The following GTPBP1 variants were observed in gnomAD, a reference collection of about 807,000 sequenced individuals.
GTPBP1 encodes GTP-binding protein 1.
In GTPBP1, 23 loss-of-function variants were observed where a neutral mutation model predicts 62.0. That is an observed-to-expected ratio of 0.37 (90% CI 0.27 to 0.53). GTPBP1 has a LOEUF of 0.53. GTPBP1 is among the 20% of genes least tolerant of loss of function. The pLI is 0.89. For missense variants in GTPBP1, 640 were observed against 917.3 expected (o/e 0.70, Z 3.90); for synonymous variants, 344 against 364.4 (o/e 0.94, Z 0.64).
downstream of GTPBP1, chr22:38,739,759 G>A (rs567532014): frequency 1.4e-4 from 221 of 1,613,680 alleles, no homozygotes; most frequent in South Asian, 2.1e-3. This position sits in a 1 kb window ranked among gnomAD's most constrained non-coding sequence, Gnocchi z 6.7. Flanking sequence ...TTTCTGCAGC[G>A]TCAGGCTCAG....
rs1231080614 is a variant in GTPBP1 at position 38,731,009 on chromosome 22, A to AT, written c.*307dup. On this transcript the variant is annotated 3_prime_UTR_variant, in exon 12 of 12. Coordinates refer to ENST00000216044, the MANE Select transcript of GTPBP1 (RefSeq NM_004286.5). Reference sequence around the variant, plus strand: ...TTATTATATGTCTCTGTCTCTCTCTATTGTGTGTGTGTGTGTGTGTGTGTG... The same window carrying AT: ...TTATTATATGTCTCTGTCTCTCTCTATTTGTGTGTGTGTGTGTGTGTGTGTG... 4.6e-5 allele frequency: 10 copies of AT among 216,298 alleles called. No homozygotes were observed. Among genetic ancestry groups the AT allele is most frequent in the African/African-American group, 4.4e-4 (6 of 13,508 alleles). The allele number at this position is 216,298 out of a possible 1,614,324, so 13.4% of individuals were successfully genotyped here. A position where few individuals can be genotyped will look rare whatever the true frequency, so the allele number is the denominator to read the frequency against.
chr22:38,716,922 C>G lies in GTPBP1; in HGVS notation c.756C>G (p.Asp252Glu). The G allele has an allele frequency of 6.2e-7, 1 of 1,614,120 alleles. No individual in the cohort carries two copies. The change falls in exon 4 of 12, where the codon GAC becomes GAG. Residue 252 changes from aspartate (D) to glutamate (E), a missense_variant. Transcript: ENST00000216044. The surrounding 1 kb of genome is among the most constrained non-coding windows in gnomAD (Gnocchi z 5.2). ...EKSTKVITFI[D>E]LAGHEKYLKT... Reference sequence around the variant, plus strand: ...CCACGAAAGTCATTACCTTCATCGACTTGGCTGGTCATGAGAAGTACCTGA... The same window carrying G: ...CCACGAAAGTCATTACCTTCATCGAGTTGGCTGGTCATGAGAAGTACCTGA...
At chr22:38,740,454 T>G (rs1448425892), downstream of GTPBP1, 28 of 1,458,112 alleles carry the variant, frequency 1.9e-5, no homozygotes, top group Non-Finnish European at 2.6e-5. The surrounding 1 kb of genome is among the most constrained non-coding windows in gnomAD (Gnocchi z 4.8). Flanking sequence ...GAGAGAAGAG[T>G]AAGCCTCGGA....
chr22:38,736,252 C>A (rs1180449203), downstream of GTPBP1: 1 of 1,605,660 alleles, frequency 6.2e-7, no homozygotes. Flanking sequence ...TGGCAGCAGG[C>A]ACCAGTAAGC....
At chr22:38,710,603 C>T (rs2092632601) in intron 2 of GTPBP1, among the ~76,000 whole-genome samples, 1 of 151,728 alleles carries the variant, frequency 6.6e-6, no homozygotes, top group African/African-American at 2.4e-5. Flanking sequence ...ACAGAGGCAG[C>T]AATGAATGCC....
At chr22:38,736,201 G>T (rs146692436), downstream of GTPBP1, 2 of 1,454,668 alleles carry the variant, frequency 1.4e-6, no homozygotes, top group Non-Finnish European at 1.9e-6. Context: ...GCAAGCGTGT[G>T]GGGGAAGCGG....
intron 4 of GTPBP1, among the ~76,000 whole-genome samples, chr22:38,719,651 C>T (rs2092689058): frequency 6.7e-6 from 1 of 149,736 alleles, no homozygotes; most frequent in South Asian, 2.1e-4. Context: ...GTGGCTGAAT[C>T]ACTTAAAAAT....
At chr22:38,713,953 A>G (rs1284000965) in intron 2 of GTPBP1, among the ~76,000 whole-genome samples, 1 of 152,222 alleles carries the variant, frequency 6.6e-6, no homozygotes, top group Non-Finnish European at 1.5e-5. Flanking sequence ...CCATAGAACA[A>G]GATGGCCAAG....
intron 10 of GTPBP1, 160 bp downstream of exon 10, chr22:38,728,321 C>A (rs138697): frequency 0.042 from 25,774 of 611,346 alleles, 1,405 homozygotes; most frequent in African/African-American, 0.17. Context: ...TAGAGGTATC[C>A]TGTGGCCTCC....
chr22:38,738,842 G>GCCC, downstream of GTPBP1: 2 of 1,595,174 alleles, frequency 1.3e-6, no homozygotes, highest in Non-Finnish European at 1.7e-6. This position sits in a 1 kb window ranked among gnomAD's most constrained non-coding sequence, Gnocchi z 6.6. Context: ...TGTGCTCAGA[G>GCCC]CCCCCGCTGC....
downstream of GTPBP1, chr22:38,734,258 G>A (rs1381198396): frequency 2.2e-6 from 1 of 463,968 alleles, no homozygotes; most frequent in Non-Finnish European, 4.5e-6. Flanking sequence ...TGTGGGAAAG[G>A]TCAGGGCCTG....
At chr22:38,742,322 C>T (rs768221118), downstream of GTPBP1, 24 of 1,604,894 alleles carry the variant, frequency 1.5e-5, no homozygotes, top group Non-Finnish European at 2.0e-5. Flanking sequence ...CAGCAGTTTC[C>T]CTGCGGAAAT....
Position 38,733,292 on chromosome 22 carries a change from G to A in GTPBP1, c.*2588G>A, listed in dbSNP as rs887865048. 3.3e-5 allele frequency: 5 copies of A among 152,242 alleles called. No homozygotes were observed. The highest frequency in any genetic ancestry group is 4.1e-4 in the South Asian group (2 of 4,834). The allele number at this position is 152,242 out of a possible 1,614,324, so 9.4% of individuals were successfully genotyped here. On this transcript the variant is annotated 3_prime_UTR_variant, in exon 12 of 12. Coordinates refer to ENST00000216044, the MANE Select transcript of GTPBP1 (RefSeq NM_004286.5). Reference sequence around the variant, plus strand: ...CAAGGCTTAGCCATGGCAGAACCTCGTTTTATTTTAACTCTTTGCCCCTAC... The same window carrying A: ...CAAGGCTTAGCCATGGCAGAACCTCATTTTATTTTAACTCTTTGCCCCTAC...
chr22:38,741,540 T>C, downstream of GTPBP1: 2 of 1,614,086 alleles, frequency 1.2e-6, no homozygotes, highest in South Asian at 2.2e-5. Context: ...TGAGTCTTGC[T>C]GATGCTCTGC....
downstream of GTPBP1, chr22:38,739,593 G>T: frequency 7.6e-7 from 1 of 1,312,580 alleles, no homozygotes; most frequent in Non-Finnish European, 1.1e-6. This position sits in a 1 kb window ranked among gnomAD's most constrained non-coding sequence, Gnocchi z 6.7. Flanking sequence ...CAGCCCCACA[G>T]CATGCAAAGC....
intron 6 of GTPBP1, 118 bp from the exon 7 acceptor site, chr22:38,725,888 T>G: frequency 1.1e-6 from 1 of 898,268 alleles, no homozygotes; most frequent in Middle Eastern, 2.3e-4. Flanking sequence ...AGAGGTGGAG[T>G]CATGAATAGT....
rs765976833 is a variant in GTPBP1, at chr22:38,716,063, G to A, written c.461G>A (p.Gly154Glu). Residue 154 changes from glycine (G) to glutamate (E), a missense_variant, in exon 3 of 12, where the codon GGA becomes GAA. Coordinates refer to ENST00000216044, the MANE Select transcript of GTPBP1 (RefSeq NM_004286.5). The surrounding 1 kb of genome is among the most constrained non-coding windows in gnomAD (Gnocchi z 5.2). ...GATTACCTGGTCCGGAAACGAGTAG[G>A]AGACAATGACTTCCTGGAGGTCAGG... ...VRDYLVRKRV[G>E]DNDFLEVRVA... 6.2e-7 allele frequency: 1 copy of A among 1,606,768 alleles called. No homozygotes were observed. The highest frequency in any genetic ancestry group is 8.5e-7 in the Non-Finnish European group (1 of 1,176,478).
At chr22:38,739,358 G>A (rs140661422), downstream of GTPBP1, 209 of 1,613,104 alleles carry the variant, frequency 1.3e-4, no homozygotes, top group African/African-American at 2.1e-3. The surrounding 1 kb of genome is among the most constrained non-coding windows in gnomAD (Gnocchi z 6.7). Context: ...ACTCCAGGGC[G>A]TAGTCTGCCA....
chr22:38,735,356 C>A (rs1434758674), downstream of GTPBP1: 5 of 401,444 alleles, frequency 1.2e-5, no homozygotes, highest in South Asian at 8.9e-5. Context: ...CCCCGATACC[C>A]TGAACGTCCC....
Sources: allele counts gnomAD v4.1 joint callset (sites outside exome capture counted in the v4.1 genomes callset), GRCh38; gene constraint gnomAD v4.1.1; non-coding constraint Gnocchi (gnomAD v3.1); transcripts MANE v1.5; gene names NCBI Gene and HGNC (gene_info 2026-07-23, HGNC 2026-07-21).